Variants in RIMS3 observed in about 807,000 individuals in gnomAD.
RIMS3 encodes regulating synaptic membrane exocytosis 3, also known as regulating synaptic membrane exocytosis protein 3.
Under a neutral mutation model 29.2 loss-of-function variants are expected in RIMS3, and 15 were observed. The ratio of observed to expected loss-of-function variants is 0.51; its 90% CI spans 0.34 to 0.79. RIMS3 has a LOEUF of 0.79. Among genes scored for constraint, RIMS3 ranks in the 30% least tolerant of loss-of-function variants. RIMS3 has a pLI of 0.01. For missense variants in RIMS3, 342 were observed against 421.4 expected (o/e 0.81, Z 1.65); for synonymous variants, 161 against 170.1 (o/e 0.95, Z 0.41).
In RIMS3 at chr1:40,622,940, G is replaced by T. The variant is rs866788961; in HGVS notation, c.*3577C>A. 1.3e-5 allele frequency: 2 copies of T among 153,634 alleles called. No individual in the cohort carries two copies. Among genetic ancestry groups the T allele is most frequent in the African/African-American group, 4.8e-5 (2 of 41,500 alleles). The allele number at this position is 153,634 out of a possible 1,614,324, so 9.5% of individuals were successfully genotyped here. A position where few individuals can be genotyped will look rare whatever the true frequency, so the allele number is the denominator to read the frequency against. ...GATTGTGCTACATTTCATTTCCAAA[G>T]AAGTACCCTTGGAGGTCTTTATTGT... On this transcript the variant is annotated 3_prime_UTR_variant, in exon 8 of 8. Coordinates refer to ENST00000372684, the MANE Select transcript of RIMS3 (RefSeq NM_014747.3).
At chr1:40,646,215 A>G (rs1646593960) in intron 2 of RIMS3, among the ~76,000 whole-genome samples, 1 of 152,120 alleles carries the variant, frequency 6.6e-6, no homozygotes, top group South Asian at 2.1e-4. Flanking sequence ...AGAATTAGAG[A>G]TCTAGTTTCT....
At chr1:40,665,024 G>A (rs1404819293) in intron 1 of RIMS3, among the ~76,000 whole-genome samples, 1 of 152,130 alleles carries the variant, frequency 6.6e-6, no homozygotes, top group Non-Finnish European at 1.5e-5. Flanking sequence ...AGGCAGAAGG[G>A]AGAAAAGCAG....
the RIMS3 span, among the ~76,000 whole-genome samples, chr1:40,682,741 C>CTTTTTTTTTTTTTTTTTTCTTTTTTTTT: frequency 2.6e-5 from 2 of 77,514 alleles, 1 homozygote; most frequent in Admixed American, 2.8e-4. Context: ...CTTTGCAGAT[C>CTTTTTTTTTTTTTTTTTTCTTTTTTTTT]TTTTTTTTTT....
intron 1 of RIMS3, among the ~76,000 whole-genome samples, chr1:40,657,324 T>A (rs983039111): frequency 6.6e-6 from 1 of 152,192 alleles, no homozygotes; most frequent in African/African-American, 2.4e-5. Context: ...TAACCTGCTA[T>A]CTGCCCGTGA....
chr1:40,641,560 G>A, intron 3 of RIMS3, 149 bp downstream of exon 3: 1 of 711,388 alleles, frequency 1.4e-6, no homozygotes, highest in Non-Finnish European at 2.4e-6. Flanking sequence ...TACACCTACT[G>A]GACCTAGAAC....
At chr1:40,644,189 C>A (rs529052803) in intron 2 of RIMS3, among the ~76,000 whole-genome samples, 24 of 152,344 alleles carry the variant, frequency 1.6e-4, no homozygotes, top group African/African-American at 5.3e-4. Context: ...CAGGCCATAC[C>A]TAGGGCCCGC....
At chr1:40,672,666 A>G in the RIMS3 span, among the ~76,000 whole-genome samples, 1 of 152,032 alleles carries the variant, frequency 6.6e-6, no homozygotes, top group East Asian at 1.9e-4. Context: ...CTGAGCAGCT[A>G]CTCTGAGCCA....
At chr1:40,631,799 C>G (rs901510053) in intron 5 of RIMS3, among the ~76,000 whole-genome samples, 1 of 151,946 alleles carries the variant, frequency 6.6e-6, no homozygotes, top group African/African-American at 2.4e-5. Flanking sequence ...AGTGAAACCC[C>G]GTCTCTACTA....
chr1:40,646,773 A>G (rs1043936721), intron 2 of RIMS3, among the ~76,000 whole-genome samples: 2 of 152,132 alleles, frequency 1.3e-5, no homozygotes, highest in Non-Finnish European at 2.9e-5. Flanking sequence ...TCAGTACCCT[A>G]AAAGGGCCCT....
chr1:40,687,750 CCT>C, the RIMS3 span, among the ~76,000 whole-genome samples: 2 of 152,034 alleles, frequency 1.3e-5, no homozygotes, highest in East Asian at 1.9e-4. Context: ...TCTTCCATTC[CCT>C]CTTACTCTGT....
chr1:40,687,593 A>AC, the RIMS3 span: 1 of 131,042 alleles, frequency 7.6e-6, no homozygotes, highest in Admixed American at 7.9e-5. Flanking sequence ...CAAGAGCAAA[A>AC]CTCCATCTCC....
At chr1:40,631,157 G>T (rs1204695075) in intron 5 of RIMS3, among the ~76,000 whole-genome samples, 1 of 152,236 alleles carries the variant, frequency 6.6e-6, no homozygotes. Flanking sequence ...TGGGAAAGGA[G>T]TGGAGGCGAG....
chr1:40,633,150 C>T lies in RIMS3; in HGVS notation c.391G>A (p.Glu131Lys). 1 of 1,614,128 alleles carries T rather than the reference C, an allele frequency of 6.2e-7. No homozygotes were observed. Among genetic ancestry groups the T allele is most frequent in the Non-Finnish European group, 8.5e-7 (1 of 1,179,960 alleles). The change falls in exon 5 of 8, where the codon GAA becomes AAA. Residue 131 changes from glutamate to lysine, a missense_variant. Coordinates refer to ENST00000372684, the MANE Select transcript of RIMS3 (RefSeq NM_014747.3). Reference protein sequence around the residue: ...FIFPTTRLGAESQFSDFLDGL... With the variant: ...FIFPTTRLGAKSQFSDFLDGL... Reference sequence around the variant, plus strand: ...TCCAGGAAATCGCTGAACTGGCTTTCAGCCCCTAGCCGGGTAGTGGGGAAG... The same window carrying T: ...TCCAGGAAATCGCTGAACTGGCTTTTAGCCCCTAGCCGGGTAGTGGGGAAG...
intron 7 of RIMS3, among the ~76,000 whole-genome samples, chr1:40,627,628 A>T (rs562034139): frequency 1.4e-5 from 2 of 146,242 alleles, no homozygotes; most frequent in East Asian, 4.2e-4. Context: ...AAGAGACAGG[A>T]TCTTATTCTG....
At chr1:40,689,094 G>C in the RIMS3 span, among the ~76,000 whole-genome samples, 1 of 152,174 alleles carries the variant, frequency 6.6e-6, no homozygotes, top group Non-Finnish European at 1.5e-5. Flanking sequence ...TACAACAAAG[G>C]TTTATTTATT....
chr1:40,691,658 G>A, the RIMS3 span: 1 of 444,760 alleles, frequency 2.2e-6, no homozygotes, highest in African/African-American at 2.0e-5. Context: ...GCACGATACT[G>A]GGAGTCCAGG....
chr1:40,660,941 C>T lies in RIMS3; in HGVS notation c.-207+4453G>A, dbSNP rs562025144. 2.6e-5 allele frequency among the ~76,000 whole-genome samples: 4 copies of T among 152,226 alleles called. No individual in the cohort carries two copies. In the South Asian group the frequency reaches 6.2e-4, roughly 24 times the overall value. On this transcript the variant is annotated intron_variant, in intron 1 of 7. Transcript: ENST00000372684. Reference sequence around the variant, plus strand: ...GCACCAGGATTTGGCTCCCCATCTCCTGGCCAAGCATCATGCCCTTAGCCT... The same window carrying T: ...GCACCAGGATTTGGCTCCCCATCTCTTGGCCAAGCATCATGCCCTTAGCCT...
intron 1 of RIMS3, among the ~76,000 whole-genome samples, chr1:40,660,514 A>G (rs911416136): frequency 1.3e-5 from 2 of 151,746 alleles, no homozygotes; most frequent in Non-Finnish European, 1.5e-5. Flanking sequence ...AGCAGCTGGG[A>G]ATACAGGCAA....
At chr1:40,691,867 GGT>G in the RIMS3 span, 1 of 405,962 alleles carries the variant, frequency 2.5e-6, no homozygotes, top group South Asian at 1.7e-5. Context: ...CCTGAGCAGA[GGT>G]GTGTGAGTGT....
Sources: gnomAD v4.1 joint callset for allele counts (sites outside exome capture counted in the v4.1 genomes callset) on GRCh38, gnomAD v4.1.1 for gene constraint, MANE v1.5 for transcripts, NCBI Gene and HGNC (gene_info 2026-07-23, HGNC 2026-07-21) for gene names.